Variants in CYTL1 observed in about 807,000 individuals in gnomAD.
The protein encoded by CYTL1 is cytokine-like protein 1.
Under a neutral mutation model 13.1 loss-of-function variants are expected in CYTL1, and 17 were observed. That is an observed-to-expected ratio of 1.29 (90% confidence interval 0.89 to 1.94). The LOEUF is 1.94. CYTL1 is among the 30% of genes most tolerant of loss of function. CYTL1 has a pLI of 0.00. For synonymous variants in CYTL1, 91 were observed against 79.4 expected (o/e 1.15, Z -0.78); for missense variants, 213 against 174.8 (o/e 1.22, Z -1.23).
chr4:5,016,020 C>A (rs1741065266), intron 3 of CYTL1, among the ~76,000 whole-genome samples: 1 of 152,172 alleles, frequency 6.6e-6, no homozygotes, highest in Non-Finnish European at 1.5e-5. Flanking sequence ...ATCCCTCTGC[C>A]TTTGTAGGTG....
chr4:5,017,030 C>G lies in CYTL1; in HGVS notation c.199-66G>C, dbSNP rs1203998736. 10 of 1,609,174 alleles carry G rather than the reference C, an allele frequency of 6.2e-6. No homozygotes were observed. In the East Asian group the frequency reaches 8.9e-5, roughly 14 times the overall value. On this transcript the variant is annotated intron_variant, in intron 2 of 3. Transcript: ENST00000307746. ...AGTAGCAAGAGGAACAGGGACTGAGCTGCATAAGATCTCTCCCTGACTCTG... is the reference window on the plus strand; with the variant it reads ...AGTAGCAAGAGGAACAGGGACTGAGGTGCATAAGATCTCTCCCTGACTCTG...
chr4:5,016,719 G>T, intron 3 of CYTL1, 117 bp downstream of exon 3: 1 of 1,326,072 alleles, frequency 7.5e-7, no homozygotes. Flanking sequence ...AAGCATCTGC[G>T]AAACATCTCT....
Position 5,017,185 on chromosome 4 carries a change from G to T in CYTL1, c.154-6C>A, listed in dbSNP as rs1377184792. The T allele has an allele frequency of 6.2e-7, 1 of 1,613,794 alleles. No individual in the cohort carries two copies. The highest frequency in any genetic ancestry group is 8.5e-7 in the Non-Finnish European group (1 of 1,179,816). ...AGGTATCTCACACATGGCTCCTGTGGAAAGGGATAAGGGGTTCTGGGATGC... is the reference window on the plus strand; with the variant it reads ...AGGTATCTCACACATGGCTCCTGTGTAAAGGGATAAGGGGTTCTGGGATGC... On this transcript the variant is annotated splice_polypyrimidine_tract_variant and splice_region_variant and intron_variant, in intron 1 of 3. Coordinates refer to ENST00000307746, the MANE Select transcript of CYTL1 (RefSeq NM_018659.3).
At position 5,016,692 on chromosome 4, in the gene CYTL1, A is replaced by C. The variant is rs1577595445; in HGVS notation, c.327+144T>G. The C allele has an allele frequency of 4.8e-6, 5 of 1,033,550 alleles. No individual in the cohort carries two copies. In the East Asian group the frequency reaches 1.2e-4, roughly 25 times the overall value. 64.0% of individuals were successfully genotyped at this position (1,033,550 alleles called of 1,614,324 possible). A position where few individuals can be genotyped will look rare whatever the true frequency, so the allele number is the denominator to read the frequency against. ...CCAACAAGGCAACCATGGTTGAGAA[A>C]GGGCTTTGTGAACTGAAAGCATCTG... On this transcript the variant is annotated intron_variant, in intron 3 of 3. Transcript: ENST00000307746.
At position 5,014,738 on chromosome 4, in the gene CYTL1, A is replaced by G. The variant is rs1741032525; in HGVS notation, c.*413T>C. ...AAAGTCTGTGTTAGAAAAAGGCATAATAGAAGCTTGGTTAAATGTAAGCAG... is the reference window on the plus strand; with the variant it reads ...AAAGTCTGTGTTAGAAAAAGGCATAGTAGAAGCTTGGTTAAATGTAAGCAG... On this transcript the variant is annotated 3_prime_UTR_variant, in exon 4 of 4. Coordinates refer to ENST00000307746, the MANE Select transcript of CYTL1 (RefSeq NM_018659.3). 5.4e-6 allele frequency: 1 copy of G among 185,596 alleles called. No individual in the cohort carries two copies. The highest frequency in any genetic ancestry group is 2.4e-5 in the African/African-American group (1 of 41,764). 11.5% of individuals were successfully genotyped at this position (185,596 alleles called of 1,614,324 possible).
intron 3 of CYTL1, among the ~76,000 whole-genome samples, chr4:5,015,628 T>C (rs752873601): frequency 4.8e-4 from 73 of 152,198 alleles, no homozygotes; most frequent in Admixed American, 1.3e-4. Flanking sequence ...CATAATTGTA[T>C]CAGCTTCCTA....
In CYTL1 at chr4:5,017,262, C is replaced by G. The variant is rs113320909; in HGVS notation, c.154-83G>C. The G allele has an allele frequency of 9.1e-4, 1,193 of 1,306,842 alleles. 11 individuals carry two copies. In the African/African-American group the frequency reaches 0.014, roughly 15 times the overall value. The allele number at this position is 1,306,842 out of a possible 1,614,324, so 81.0% of individuals were successfully genotyped here. A position where few individuals can be genotyped will look rare whatever the true frequency, so the allele number is the denominator to read the frequency against. On this transcript the variant is annotated intron_variant, in intron 1 of 3. Transcript: ENST00000307746. Reference sequence around the variant, plus strand: ...GTCTCCCTAGTGGCCCTCTCAACAGCCAGACCAGCCCAGATCCCTGGGGCC... The same window carrying G: ...GTCTCCCTAGTGGCCCTCTCAACAGGCAGACCAGCCCAGATCCCTGGGGCC...
At chr4:5,018,155 AAAGT>A (rs1427736730) in intron 1 of CYTL1, among the ~76,000 whole-genome samples, 1 of 152,252 alleles carries the variant, frequency 6.6e-6, no homozygotes. Context: ...GTGTCATTAA[AAAGT>A]AAGTTGCAAA....
chr4:5,015,330 A>G, intron 3 of CYTL1, 96 bp from the exon 4 acceptor site: 4 of 925,718 alleles, frequency 4.3e-6, no homozygotes, highest in Non-Finnish European at 6.8e-6. Flanking sequence ...AAGGCCATTC[A>G]GTTGTTCCTC....
intron 3 of CYTL1, among the ~76,000 whole-genome samples, chr4:5,015,833 A>G (rs1470943358): frequency 6.6e-6 from 1 of 152,180 alleles, no homozygotes; most frequent in African/African-American, 2.4e-5. Flanking sequence ...GCTTCTTAGG[A>G]TCAAGGGAGT....
intron 3 of CYTL1, 119 bp downstream of exon 3, chr4:5,016,717 G>T: frequency 1.5e-6 from 2 of 1,300,338 alleles, no homozygotes; most frequent in Non-Finnish European, 2.2e-6. Flanking sequence ...GAAAGCATCT[G>T]CGAAACATCT....
chr4:5,017,246 G>A, intron 1 of CYTL1, 67 bp from the exon 2 acceptor site: 1 of 1,532,914 alleles, frequency 6.5e-7, no homozygotes, highest in Non-Finnish European at 8.9e-7. Flanking sequence ...AGTCTCCCTA[G>A]TGGCCCTCTC....
At chr4:5,018,829 G>A (rs1741131322) in intron 1 of CYTL1, among the ~76,000 whole-genome samples, 1 of 152,122 alleles carries the variant, frequency 6.6e-6, no homozygotes, top group African/African-American at 2.4e-5. Flanking sequence ...TGAGAAATTT[G>A]CCCGGGTCCC....
intron 1 of CYTL1, among the ~76,000 whole-genome samples, chr4:5,017,860 GC>G (rs1741110697): frequency 1.3e-5 from 2 of 152,134 alleles, no homozygotes; most frequent in African/African-American, 2.4e-5. Flanking sequence ...TTTGCGCAGG[GC>G]TGAAGGGCAA....
chr4:5,014,945 GAATGAGAAGCA>G lies in CYTL1; in HGVS notation c.*195_*205del. 1.7e-6 allele frequency: 1 copy of G among 572,590 alleles called. No individual in the cohort carries two copies. Among genetic ancestry groups the G allele is most frequent in the Admixed American group, 3.1e-5 (1 of 31,762 alleles). The allele number at this position is 572,590 out of a possible 1,614,324, so 35.5% of individuals were successfully genotyped here. A position where few individuals can be genotyped will look rare whatever the true frequency, so the allele number is the denominator to read the frequency against. On this transcript the variant is annotated 3_prime_UTR_variant, in exon 4 of 4. Coordinates refer to ENST00000307746, the MANE Select transcript of CYTL1 (RefSeq NM_018659.3). ...CATCCTGGCAAGACATGAGTCAAGG[GAATGAGAAGCA>G]TGGTTGCTAACTCTATGCTCAAAGG...
chr4:5,015,465 TG>T (rs1272663367), intron 3 of CYTL1, among the ~76,000 whole-genome samples: 2 of 150,988 alleles, frequency 1.3e-5, no homozygotes, highest in Non-Finnish European at 2.9e-5. Context: ...TCATGTTTTA[TG>T]GAATTCACAC....
At chr4:5,019,059 AGTAAGTCACAAAAATT>A (rs1741140294) in intron 1 of CYTL1, among the ~76,000 whole-genome samples, 2 of 98,926 alleles carry the variant, frequency 2.0e-5, no homozygotes, top group African/African-American at 8.1e-5. Flanking sequence ...GATATTTGCT[AGTAAGTCACAAAAATT>A]GTGTTGTCTT....
intron 3 of CYTL1, among the ~76,000 whole-genome samples, chr4:5,015,864 G>T (rs967979133): frequency 3.9e-5 from 6 of 152,118 alleles, no homozygotes; most frequent in African/African-American, 1.2e-4. Flanking sequence ...CCCACACAAG[G>T]TAAGGGTGTA....
intron 1 of CYTL1, among the ~76,000 whole-genome samples, chr4:5,018,692 T>A (rs1256974095): frequency 6.6e-6 from 1 of 152,224 alleles, no homozygotes; most frequent in Non-Finnish European, 1.5e-5. Context: ...TGAGTACTTG[T>A]TCCTGTAGGC....
Sources: allele counts gnomAD v4.1 joint callset (sites outside exome capture counted in the v4.1 genomes callset), GRCh38; gene constraint gnomAD v4.1.1; transcripts MANE v1.5; gene names NCBI Gene and HGNC (gene_info 2026-07-23, HGNC 2026-07-21).